Variants in MYCBPAP observed in about 807,000 individuals in gnomAD.
The protein encoded by MYCBPAP is MYCBP-associated protein.
MYCBPAP carries 60 observed loss-of-function variants against 106.1 expected under a neutral mutation model. The ratio of observed to expected loss-of-function variants is 0.57; its 90% CI spans 0.46 to 0.70. MYCBPAP has a LOEUF of 0.70. MYCBPAP is among the 30% of genes least tolerant of loss of function. The pLI is 0.00. For synonymous variants in MYCBPAP, 407 were observed against 440.6 expected (o/e 0.92, Z 0.95); for missense variants, 1,064 against 1,169.3 (o/e 0.91, Z 1.31).
intron 1 of MYCBPAP, chr17:50,509,535 TCTGTGTGTGTG>T: frequency 2.1e-5 from 3 of 140,850 alleles, no homozygotes; most frequent in South Asian, 2.2e-4. Context: ...GCTTTTTTTT[TCTGTGTGTGTG>T]TGTGTGTGTG....
rs1463929582 is a variant in MYCBPAP at position 50,518,649 on chromosome 17, C to G, written c.577C>G (p.Pro193Ala). ...KEEKRPPWAPPPQHNFLKNWQ... is the reference protein window; with the variant it reads ...KEEKRPPWAPAPQHNFLKNWQ... ...AGAGAAGAGACCTCCCTGGGCCCCA[C>G]CTCCTCAGCACAACTTTCTGAAAAA... Residue 193 changes from proline (P) to alanine (A), a missense_variant, in exon 5 of 19, where the codon CCT becomes GCT. Pro to Ala is a conservative substitution (Grantham distance 27). Coordinates refer to ENST00000323776, the MANE Select transcript of MYCBPAP (RefSeq NM_032133.6). 1 of 1,609,178 alleles carries G rather than the reference C, an allele frequency of 6.2e-7. No homozygotes were observed. Among genetic ancestry groups the G allele is most frequent in the Non-Finnish European group, 8.5e-7 (1 of 1,178,590 alleles).
At chr17:50,514,097 C>G (rs2033957295) in intron 1 of MYCBPAP, among the ~76,000 whole-genome samples, 1 of 152,158 alleles carries the variant, frequency 6.6e-6, no homozygotes, top group African/African-American at 2.4e-5. Flanking sequence ...CTGTGTTGCC[C>G]AGGCTGGTTT....
chr17:50,526,876 A>G (rs2034481152), intron 14 of MYCBPAP, among the ~76,000 whole-genome samples: 1 of 151,872 alleles, frequency 6.6e-6, no homozygotes, highest in Non-Finnish European at 1.5e-5. Context: ...CCACCACGCC[A>G]GGCCAATTTT....
At chr17:50,508,998 C>G (rs1162250240) in intron 1 of MYCBPAP, 2 of 702,630 alleles carry the variant, frequency 2.8e-6, no homozygotes, top group Admixed American at 2.0e-5. Context: ...TCAGGGACCA[C>G]TGGCTGGGGA....
At chr17:50,525,114 G>C in intron 13 of MYCBPAP, 91 bp downstream of exon 13, 1 of 1,480,202 alleles carries the variant, frequency 6.8e-7, no homozygotes, top group African/African-American at 1.4e-5. Context: ...GTGAGCAGTG[G>C]GTGAGCCAGC....
Position 50,508,506 on chromosome 17 carries a change from A to G in MYCBPAP, c.-169A>G, listed in dbSNP as rs1311941525. On this transcript the variant is annotated 5_prime_UTR_variant, in exon 1 of 19. Coordinates refer to ENST00000323776, the MANE Select transcript of MYCBPAP (RefSeq NM_032133.6). ...GGGCGCGTGCGCGGCCCGATGAAGAAGGAGGTTTCCAAGCCGTCTCCGCCC... is the reference window on the plus strand; with the variant it reads ...GGGCGCGTGCGCGGCCCGATGAAGAGGGAGGTTTCCAAGCCGTCTCCGCCC... The G allele has an allele frequency of 2.0e-6, 3 of 1,524,372 alleles. No homozygotes were observed. The highest frequency in any genetic ancestry group is 2.6e-6 in the Non-Finnish European group (3 of 1,136,738). The allele number at this position is 1,524,372 out of a possible 1,614,324, so 94.4% of individuals were successfully genotyped here. A position where few individuals can be genotyped will look rare whatever the true frequency, so the allele number is the denominator to read the frequency against.
At chr17:50,511,523 A>C (rs2033847507) in intron 1 of MYCBPAP, among the ~76,000 whole-genome samples, 2 of 152,228 alleles carry the variant, frequency 1.3e-5, no homozygotes, top group Non-Finnish European at 2.9e-5. Flanking sequence ...GAAGCAGAAG[A>C]AATAGAGTCC....
intron 14 of MYCBPAP, 54 bp downstream of exon 14, chr17:50,526,321 A>G (rs1348605755): frequency 3.4e-5 from 51 of 1,511,048 alleles, no homozygotes; most frequent in Non-Finnish European, 4.2e-5. Context: ...CCTCGAACCA[A>G]CAAGGGAGGA....
intron 1 of MYCBPAP, chr17:50,515,020 T>C: frequency 3.3e-6 from 1 of 304,980 alleles, no homozygotes; most frequent in Non-Finnish European, 6.9e-6. Context: ...CTCTGCCTCT[T>C]CCCTCCCACC....
At chr17:50,530,168 C>T (rs1350491349) in intron 18 of MYCBPAP, 11 of 410,996 alleles carry the variant, frequency 2.7e-5, no homozygotes, top group South Asian at 9.0e-5. Flanking sequence ...TGGGGGTCAA[C>T]GTCAACCCTT....
rs1180062684 is a variant in MYCBPAP at position 50,526,243 on chromosome 17, C to T, written c.2145C>T (p.Asn715=). 6.2e-7 allele frequency: 1 copy of T among 1,610,504 alleles called. No individual in the cohort carries two copies. The highest frequency in any genetic ancestry group is 1.7e-5 in the Admixed American group (1 of 59,658). Residue 715 remains asparagine (N), a synonymous_variant, in exon 14 of 19, where the codon AAC becomes AAT. Coordinates refer to ENST00000323776, the MANE Select transcript of MYCBPAP (RefSeq NM_032133.6). Reference sequence around the variant, plus strand: ...ATGGCCTTCCCCTGCTGGAGTGGAACCTCTGCTTGGAGGACTTCAGAAAGG... The same window carrying T: ...ATGGCCTTCCCCTGCTGGAGTGGAATCTCTGCTTGGAGGACTTCAGAAAGG... ...EPDGLPLLEW[N]LCLEDFRKAV...
chr17:50,528,327 G>A (rs1486229625), intron 16 of MYCBPAP, 57 bp downstream of exon 16: 1 of 1,414,762 alleles, frequency 7.1e-7, no homozygotes, highest in Non-Finnish European at 9.8e-7. Flanking sequence ...CTCTCTGAAT[G>A]GACAAGCAGC....
rs1394919536 is a variant in MYCBPAP at position 50,516,705 on chromosome 17, T to G, written c.204+8T>G. 1 of 1,613,716 alleles carries G rather than the reference T, an allele frequency of 6.2e-7. No individual in the cohort carries two copies. The highest frequency in any genetic ancestry group is 1.1e-5 in the South Asian group (1 of 91,054). On this transcript the variant is annotated splice_region_variant and intron_variant, in intron 2 of 18. Coordinates refer to ENST00000323776, the MANE Select transcript of MYCBPAP (RefSeq NM_032133.6). The stretch of plus-strand genomic sequence containing the variant: ...AAGGAAGACTTGAAGGAGGTGAGGA[T>G]GAAGCCCAAGCTTCCCTTACCATAG...
chr17:50,512,265 A>G (rs2033882359), intron 1 of MYCBPAP, among the ~76,000 whole-genome samples: 1 of 152,138 alleles, frequency 6.6e-6, no homozygotes, highest in African/African-American at 2.4e-5. Flanking sequence ...TGTGTTAGCC[A>G]GGATGGTCTC....
rs765750913 is a variant in MYCBPAP, at chr17:50,524,907, G to A, written c.1666G>A (p.Val556Ile). The A allele has an allele frequency of 3.1e-5, 50 of 1,613,866 alleles. No homozygotes were observed. Among genetic ancestry groups the A allele is most frequent in the Middle Eastern group, 3.3e-4 (2 of 6,084 alleles). Residue 556 changes from valine (V) to isoleucine (I), a missense_variant, in exon 13 of 19, where the codon GTC becomes ATC. Physicochemically the swap from Val to Ile is conservative, Grantham distance 29 (BLOSUM62 3). Transcript: ENST00000323776. ...GCTGACTGCCCATGAGGCAGTCACC[G>A]TCGTTCGCGAAGTGCTGCAGGAGCT... ...SKLTAHEAVT[V>I]VREVLQELLM...
chr17:50,508,897 C>A, intron 1 of MYCBPAP, 147 bp downstream of exon 1: 1 of 798,606 alleles, frequency 1.3e-6, no homozygotes, highest in Non-Finnish European at 2.2e-6. Context: ...GGCATAGGAC[C>A]CTTAGGGATG....
intron 18 of MYCBPAP, among the ~76,000 whole-genome samples, chr17:50,531,001 AAGT>A (rs909732500): frequency 1.1e-4 from 17 of 152,000 alleles, no homozygotes; most frequent in African/African-American, 3.9e-4. Flanking sequence ...AAATAGAAAA[AAGT>A]AGCCAGGTCT....
intron 1 of MYCBPAP, among the ~76,000 whole-genome samples, chr17:50,512,345 C>T (rs531957254): frequency 1.2e-4 from 19 of 152,230 alleles, no homozygotes; most frequent in Admixed American, 9.1e-4. Flanking sequence ...TGAGCCACCG[C>T]GCCCGGCCCC....
upstream of MYCBPAP, chr17:50,508,434 C>T: frequency 1.5e-5 from 16 of 1,036,832 alleles, no homozygotes; most frequent in Non-Finnish European, 2.0e-5. Flanking sequence ...ACAGGCCGGG[C>T]CCGCAGGGCT....
Sources: allele counts gnomAD v4.1 joint callset (sites outside exome capture counted in the v4.1 genomes callset), GRCh38; gene constraint gnomAD v4.1.1; transcripts MANE v1.5; gene names NCBI Gene and HGNC (gene_info 2026-07-23, HGNC 2026-07-21).